The following TRERF1 variants were observed in gnomAD, a reference collection of about 807,000 sequenced individuals.
TRERF1 encodes transcriptional regulating factor 1.
A neutral mutation model predicts 122.9 loss-of-function variants in TRERF1; 27 were observed. The ratio of observed to expected loss-of-function variants is 0.22; its 90% CI spans 0.16 to 0.30. TRERF1 has a LOEUF of 0.30. Ranked by LOEUF, TRERF1 falls within the 10% of genes least tolerant of loss-of-function variation. TRERF1 has a pLI of 1.00. For synonymous variants in TRERF1, 636 were observed against 641.7 expected (o/e 0.99, Z 0.13); for missense variants, 1,248 against 1,560.3 (o/e 0.80, Z 3.37).
chr6:42,277,908 A>AGAG (rs1318852229), intron 4 of TRERF1, among the ~76,000 whole-genome samples: 886 of 48,812 alleles, frequency 0.018, 33 homozygotes, highest in Non-Finnish European at 0.028. Flanking sequence ...GGAAGAAGGA[A>AGAG]GAAGAAGAAG....
At position 42,228,562 on chromosome 6, in the gene TRERF1, G is replaced by A; in HGVS notation, c.3386C>T (p.Ala1129Val). 1 of 1,614,216 alleles carries A rather than the reference G, an allele frequency of 6.2e-7. No homozygotes were observed. Among genetic ancestry groups the A allele is most frequent in the Non-Finnish European group, 8.5e-7 (1 of 1,180,046 alleles). Residue 1129 changes from alanine to valine, a missense_variant, in exon 18 of 18, where the codon GCA (alanine) becomes GTA (valine). This residue lies in a region of TRERF1 where 84 missense variants were observed against 116.0 expected (regional missense o/e 0.72). Transcript: ENST00000372922. This position sits in a 1 kb window ranked among gnomAD's most constrained non-coding sequence, Gnocchi z 4.2. ...CCCCGTAGTCCTCTCAATCGTGGCT[G>A]CCATCTCAGCTGCAAAAGCCGCCTT...
chr6:42,370,629 T>G (rs1229091278), intron 2 of TRERF1, among the ~76,000 whole-genome samples: 1 of 152,164 alleles, frequency 6.6e-6, no homozygotes, highest in Non-Finnish European at 1.5e-5. Context: ...CAGACTGGCA[T>G]AGAGAATTAT....
intron 4 of TRERF1, among the ~76,000 whole-genome samples, chr6:42,287,598 C>T (rs1783501015): frequency 1.3e-5 from 2 of 152,154 alleles, no homozygotes; most frequent in African/African-American, 2.4e-5. Flanking sequence ...CCTGCCCTAA[C>T]TCCTTTCTCT....
intron 2 of TRERF1, among the ~76,000 whole-genome samples, chr6:42,449,876 C>T (rs1055370148): frequency 1.5e-4 from 23 of 152,186 alleles, no homozygotes; most frequent in Admixed American, 5.2e-4. Context: ...TTTCTCGACC[C>T]TGCTAGAACA....
In TRERF1 at chr6:42,264,586, G is replaced by A. The variant is rs977588015; in HGVS notation, c.1635+118C>T. 34 of 1,471,652 alleles carry A rather than the reference G, an allele frequency of 2.3e-5. No homozygotes were observed. In the African/African-American group the frequency reaches 4.4e-4, roughly 19 times the overall value. The allele number at this position is 1,471,652 out of a possible 1,614,324, so 91.2% of individuals were successfully genotyped here. ...GCCAAAGCCTAAGCATTCCTGTCAAGGGAGGACTGTGCCTCGCCAGGTCCC... is the reference window on the plus strand; with the variant it reads ...GCCAAAGCCTAAGCATTCCTGTCAAAGGAGGACTGTGCCTCGCCAGGTCCC... On this transcript the variant is annotated intron_variant, in intron 7 of 17. Transcript: ENST00000372922.
intron 3 of TRERF1, among the ~76,000 whole-genome samples, chr6:42,345,686 A>G (rs905597097): frequency 6.6e-6 from 1 of 152,228 alleles, no homozygotes; most frequent in Non-Finnish European, 1.5e-5. Context: ...GCAACTAAAA[A>G]TCCACTTTGC....
At chr6:42,401,148 T>C (rs1284084730) in intron 2 of TRERF1, among the ~76,000 whole-genome samples, 1 of 152,136 alleles carries the variant, frequency 6.6e-6, no homozygotes, top group Non-Finnish European at 1.5e-5. Context: ...GCAGGTATTC[T>C]ATGGGGGCCA....
intron 3 of TRERF1, among the ~76,000 whole-genome samples, chr6:42,361,008 A>G (rs757072941): frequency 6.6e-5 from 10 of 152,116 alleles, no homozygotes; most frequent in Admixed American, 6.5e-5. Context: ...ACGAGCTTCT[A>G]TGGCCTGAAT....
chr6:42,269,818 C>A lies in TRERF1; in HGVS notation c.-228G>T, dbSNP rs1779891014. On this transcript the variant is annotated 5_prime_UTR_variant, in exon 5 of 18. Coordinates refer to ENST00000372922, the Ensembl canonical transcript of TRERF1. This position sits in a 1 kb window ranked among gnomAD's most constrained non-coding sequence, Gnocchi z 4.9. ...CTCCCTGGCTGAGGTATAGACCACA[C>A]AGCACTGTGGTGAGGAGACGTCGCT... The A allele has an allele frequency of 2.4e-6, 3 of 1,235,306 alleles. No individual in the cohort carries two copies. Among genetic ancestry groups the A allele is most frequent in the Non-Finnish European group, 3.2e-6 (3 of 925,246 alleles). 76.5% of individuals were successfully genotyped at this position (1,235,306 alleles called of 1,614,324 possible). A position where few individuals can be genotyped will look rare whatever the true frequency, so the allele number is the denominator to read the frequency against.
chr6:42,392,959 G>C (rs1235385028), intron 2 of TRERF1, among the ~76,000 whole-genome samples: 1 of 75,206 alleles, frequency 1.3e-5, no homozygotes, highest in African/African-American at 7.9e-5. Flanking sequence ...CACACACACA[G>C]CAGTTGTCAA....
At chr6:42,288,648 T>C (rs1456411480) in intron 4 of TRERF1, among the ~76,000 whole-genome samples, 1 of 149,486 alleles carries the variant, frequency 6.7e-6, no homozygotes, top group East Asian at 2.0e-4. Flanking sequence ...AAGGATCCTC[T>C]GAGAAAGTCA....
chr6:42,305,852 C>T lies in TRERF1; in HGVS notation c.-370-5103G>A, dbSNP rs139656401. Among the ~76,000 whole-genome samples, 552 of 152,160 alleles carry T rather than the reference C, an allele frequency of 3.6e-3. 4 individuals are homozygous for T. Among genetic ancestry groups the T allele is most frequent in the African/African-American group, 0.013 (524 of 41,496 alleles). On this transcript the variant is annotated intron_variant, in intron 3 of 17. Transcript: ENST00000372922. ...CAGAGAGGAATCACTGCAATGAGAT[C>T]CCAGGCTCCAGTCACCTAGGGACCC...
At position 42,263,598 on chromosome 6, in the gene TRERF1, G is replaced by A; in HGVS notation, c.1636-30C>T. 1 of 1,467,598 alleles carries A rather than the reference G, an allele frequency of 6.8e-7. No homozygotes were observed. The highest frequency in any genetic ancestry group is 9.0e-7 in the Non-Finnish European group (1 of 1,105,516). The allele number at this position is 1,467,598 out of a possible 1,614,324, so 90.9% of individuals were successfully genotyped here. A position where few individuals can be genotyped will look rare whatever the true frequency, so the allele number is the denominator to read the frequency against. The stretch of plus-strand genomic sequence containing the variant: ...ACAGACAATAAAGGCTTTGATCCTG[G>A]GCTGAGAGCAGCTCTCACAAGGGGG... On this transcript the variant is annotated intron_variant, in intron 7 of 17. Coordinates refer to ENST00000372922, the Ensembl canonical transcript of TRERF1. This position sits in a 1 kb window ranked among gnomAD's most constrained non-coding sequence, Gnocchi z 5.6.
intron 2 of TRERF1, among the ~76,000 whole-genome samples, chr6:42,407,381 G>T (rs535748804): frequency 6.6e-6 from 1 of 152,284 alleles, no homozygotes; most frequent in African/African-American, 2.4e-5. Context: ...CGTCTCTGTT[G>T]TCACGCTAGT....
In TRERF1 at chr6:42,337,161, C is replaced by G. The variant is rs1435161462; in HGVS notation, c.-371+25836G>C. Among the ~76,000 whole-genome samples, 3 of 152,136 alleles carry G rather than the reference C, an allele frequency of 2.0e-5. No individual in the cohort carries two copies. In the East Asian group the frequency reaches 5.8e-4, roughly 29 times the overall value. On this transcript the variant is annotated intron_variant, in intron 3 of 17. Coordinates refer to ENST00000372922, the Ensembl canonical transcript of TRERF1. Reference sequence around the variant, plus strand: ...GAGTTGGACATACCCTGGACGCTGCCCAAGACCCAGCAGGGAGGCAGCTGG... The same window carrying G: ...GAGTTGGACATACCCTGGACGCTGCGCAAGACCCAGCAGGGAGGCAGCTGG...
Position 42,378,225 on chromosome 6 carries a change from G to A in TRERF1, c.-453-15146C>T, listed in dbSNP as rs147042459. Among the ~76,000 whole-genome samples the A allele has an allele frequency of 5.8e-4, 88 of 152,220 alleles. 1 individual carries two copies. Among genetic ancestry groups the A allele is most frequent in the African/African-American group, 2.0e-3 (82 of 41,550 alleles). On this transcript the variant is annotated intron_variant, in intron 2 of 17. Transcript: ENST00000372922. ...AAGACCATATCTTCCTACGCTGAGG[G>A]CTGAACACTTGGCTGATAAGGCCTC...
intron 2 of TRERF1, among the ~76,000 whole-genome samples, chr6:42,442,557 A>G (rs1786719142): frequency 6.6e-6 from 1 of 152,242 alleles, no homozygotes; most frequent in Non-Finnish European, 1.5e-5. Flanking sequence ...AGCTGCCCAA[A>G]TAGCTGCCCA....
At chr6:42,267,012 G>A (rs148855364) in intron 5 of TRERF1, among the ~76,000 whole-genome samples, 47 of 152,230 alleles carry the variant, frequency 3.1e-4, no homozygotes, top group Admixed American at 5.9e-4. Flanking sequence ...TGGTATCTGC[G>A]AGACTCACAA....
chr6:42,404,155 C>G (rs1032298340), intron 2 of TRERF1, among the ~76,000 whole-genome samples: 3 of 152,200 alleles, frequency 2.0e-5, no homozygotes, highest in Non-Finnish European at 2.9e-5. Context: ...CCAGGACATT[C>G]TTCTGAGCAG....
Sources: gnomAD v4.1 joint callset for allele counts (sites outside exome capture counted in the v4.1 genomes callset) on GRCh38, gnomAD v4.1.1 for gene constraint, gnomAD v4.1.1 regional missense constraint, Gnocchi (gnomAD v3.1) non-coding constraint, MANE v1.5 for transcripts, NCBI Gene and HGNC (gene_info 2026-07-23, HGNC 2026-07-21) for gene names.